The following RBP3 variants were observed in gnomAD, a reference collection of about 807,000 sequenced individuals.
RBP3 encodes retinol binding protein 3, also known as retinol-binding protein 3.
RBP3 carries 50 observed loss-of-function variants against 64.8 expected under a neutral mutation model. The observed-to-expected ratio is 0.77, with a 90% CI of 0.61 to 0.98. The LOEUF is 0.98. RBP3 is among the 50% of genes least tolerant of loss of function. The pLI, the probability that RBP3 is intolerant of heterozygous loss-of-function variation, is 0.00. For synonymous variants in RBP3, 828 were observed against 730.2 expected, an observed-to-expected ratio of 1.13 and a Z score of -2.16; for missense variants, 1,712 against 1,660.5, an observed-to-expected ratio of 1.03 and a Z score of -0.54.
At position 47,349,395 on chromosome 10, in the gene RBP3, G is replaced by C. The variant is rs1555211076; in HGVS notation, c.911G>C (p.Cys304Ser). ...QTWEGSGVLP[C>S]VGTPAEQALE... is the part of the protein sequence containing the mutation. ...TGGGAGGGCAGCGGGGTGCTGCCCT[G>C]TGTGGGGACTCCGGCCGAGCAGGCC... The change falls in exon 1 of 4, where the codon TGT (cysteine) becomes TCT (serine). Residue 304 changes from cysteine to serine, a missense_variant. Physicochemically the swap from Cys to Ser is moderately radical, Grantham distance 112. Transcript: ENST00000584701. 1 of 1,612,044 alleles carries C rather than the reference G, an allele frequency of 6.2e-7. No homozygotes were observed. The highest frequency in any genetic ancestry group is 8.5e-7 in the Non-Finnish European group (1 of 1,179,980).
rs199522516 is a variant in RBP3 at position 47,350,624 on chromosome 10, C to G, written c.2140C>G (p.Pro714Ala). 6.2e-7 allele frequency: 1 copy of G among 1,612,822 alleles called. No individual in the cohort carries two copies. Among genetic ancestry groups the G allele is most frequent in the Admixed American group, 1.7e-5 (1 of 60,032 alleles). Residue 714 changes from proline to alanine, a missense_variant, in exon 1 of 4, where the codon CCC becomes GCC. Transcript: ENST00000584701. The stretch of plus-strand genomic sequence containing the variant: ...TGGCGAGCTGGTGGTAGAGGAAGCA[C>G]CCCCACCACCCCCTGCTGTCCCCTC... ...SPGELVVEEA[P>A]PPPPAVPSPE...
Position 47,355,466 on chromosome 10 carries a change from C to T in RBP3, c.3336C>T (p.Tyr1112=), listed in dbSNP as rs1837033377. 1.9e-6 allele frequency: 3 copies of T among 1,614,230 alleles called. No individual in the cohort carries two copies. The highest frequency in any genetic ancestry group is 2.5e-6 in the Non-Finnish European group (3 of 1,180,040). ...EGPPVLLDKI[Y]SRPDDSVSEL... Reference sequence around the variant, plus strand: ...CTCCAGTTCTGCTGGACAAGATCTACAGCCGGCCTGATGACTCTGTCAGTG... The same window carrying T: ...CTCCAGTTCTGCTGGACAAGATCTATAGCCGGCCTGATGACTCTGTCAGTG... The change falls in exon 3 of 4, where the codon TAC becomes TAT. Residue 1112 remains tyrosine (Y), a synonymous_variant. Coordinates refer to ENST00000584701, the MANE Select transcript of RBP3 (RefSeq NM_002900.3).
At chr10:47,354,105 A>G (rs1555211852) in intron 2 of RBP3, among the ~76,000 whole-genome samples, 1 of 152,236 alleles carries the variant, frequency 6.6e-6, no homozygotes, top group Non-Finnish European at 1.5e-5. Flanking sequence ...TCACCAAATG[A>G]TTGTCAGAAG....
chr10:47,351,315 C>T lies in RBP3; in HGVS notation c.2831C>T (p.Ala944Val), dbSNP rs957150657. The part of the protein sequence containing the change: ...RAKVPTVLQT[A>V]GKLVADNYAS... Reference sequence around the variant, plus strand: ...AAGGTGCCCACGGTGCTGCAGACGGCCGGGAAGCTGGTGGCTGATAACTAT... The same window carrying T: ...AAGGTGCCCACGGTGCTGCAGACGGTCGGGAAGCTGGTGGCTGATAACTAT... The change falls in exon 1 of 4, where the codon GCC (alanine) becomes GTC (valine). Residue 944 changes from alanine (A) to valine (V), a missense_variant. Physicochemically the swap from Ala to Val is moderately conservative, Grantham distance 64 (BLOSUM62 0). Coordinates refer to ENST00000584701, the MANE Select transcript of RBP3 (RefSeq NM_002900.3). 6.2e-7 allele frequency: 1 copy of T among 1,613,496 alleles called. No individual in the cohort carries two copies. The highest frequency in any genetic ancestry group is 8.5e-7 in the Non-Finnish European group (1 of 1,180,046).
At position 47,350,942 on chromosome 10, in the gene RBP3, G is replaced by T. The variant is rs1555211477; in HGVS notation, c.2458G>T (p.Val820Phe). Residue 820 changes from valine (V) to phenylalanine (F), a missense_variant, in exon 1 of 4, where the codon GTC (valine) becomes TTC (phenylalanine). Coordinates refer to ENST00000584701, the MANE Select transcript of RBP3 (RefSeq NM_002900.3). Reference sequence around the variant, plus strand: ...TGTCTTTGACAGGGCCACCTCAAAAGTCACGGAGGTGTGGACCTTGCCCCA... The same window carrying T: ...TGTCTTTGACAGGGCCACCTCAAAATTCACGGAGGTGTGGACCTTGCCCCA... ...YSVFDRATSK[V>F]TEVWTLPQVA... 1 of 1,612,978 alleles carries T rather than the reference G, an allele frequency of 6.2e-7. No homozygotes were observed. Among genetic ancestry groups the T allele is most frequent in the African/African-American group, 1.3e-5 (1 of 75,076 alleles).
chr10:47,351,937 G>A (rs1836980276), intron 1 of RBP3, among the ~76,000 whole-genome samples: 1 of 152,218 alleles, frequency 6.6e-6, no homozygotes, highest in African/African-American at 2.4e-5. Context: ...CTCATTGTCA[G>A]TGCTAGGGAA....
At chr10:47,354,025 G>A (rs1322064161) in intron 2 of RBP3, among the ~76,000 whole-genome samples, 1 of 152,196 alleles carries the variant, frequency 6.6e-6, no homozygotes, top group Non-Finnish European at 1.5e-5. Context: ...AATCGTACAG[G>A]CAGAATTTGG....
chr10:47,357,312 C>T lies in RBP3; in HGVS notation c.3599C>T (p.Ala1200Val). 6.2e-7 allele frequency: 1 copy of T among 1,614,144 alleles called. No homozygotes were observed. Among genetic ancestry groups the T allele is most frequent in the Non-Finnish European group, 8.5e-7 (1 of 1,180,028 alleles). The change falls in exon 4 of 4, where the codon GCC becomes GTC. Residue 1200 changes from alanine (A) to valine (V), a missense_variant. Ala to Val is a moderately conservative substitution (Grantham distance 64). Coordinates refer to ENST00000584701, the MANE Select transcript of RBP3 (RefSeq NM_002900.3). Reference protein sequence around the residue: ...LTIPTARSVGASDGSSWEGVG... With the variant: ...LTIPTARSVGVSDGSSWEGVG... ...ATCCCCACGGCCCGTTCTGTGGGGG[C>T]CTCGGATGGCAGCTCCTGGGAAGGG...
At chr10:47,352,372 C>T (rs1555211676) in intron 1 of RBP3, among the ~76,000 whole-genome samples, 1 of 152,192 alleles carries the variant, frequency 6.6e-6, no homozygotes, top group African/African-American at 2.4e-5. Context: ...GCTCCCTCTT[C>T]TTGGAGAAGG....
At position 47,350,292 on chromosome 10, in the gene RBP3, G is replaced by C. The variant is rs990944541; in HGVS notation, c.1808G>C (p.Gly603Ala). The change falls in exon 1 of 4, where the codon GGC becomes GCC. Residue 603 changes from glycine (G) to alanine (A), a missense_variant. Physicochemically the swap from Gly to Ala is moderately conservative, Grantham distance 60. Coordinates refer to ENST00000584701, the MANE Select transcript of RBP3 (RefSeq NM_002900.3). The stretch of plus-strand genomic sequence containing the variant: ...GTCCTCACCTTCATCGACAATCACG[G>C]CGAGGCCTGGCTGGGTGGTGGAGTG... ...VPVLTFIDNHGEAWLGGGVVP... is the reference protein window; with the variant it reads ...VPVLTFIDNHAEAWLGGGVVP... The C allele has an allele frequency of 6.2e-6, 10 of 1,609,148 alleles. No individual in the cohort carries two copies. The highest frequency in any genetic ancestry group is 8.5e-6 in the Non-Finnish European group (10 of 1,179,928).
chr10:47,348,597 A>G lies in RBP3; in HGVS notation c.113A>G (p.Asn38Ser). 1 of 1,613,418 alleles carries G rather than the reference A, an allele frequency of 6.2e-7. No homozygotes were observed. The highest frequency in any genetic ancestry group is 8.5e-7 in the Non-Finnish European group (1 of 1,180,024). ...GACATGGCCAAGGTCCTCTTGGATAACTACTGCTTCCCGGAGAACCTGCTG... is the reference window on the plus strand; with the variant it reads ...GACATGGCCAAGGTCCTCTTGGATAGCTACTGCTTCCCGGAGAACCTGCTG... Reference protein sequence around the residue: ...VLDMAKVLLDNYCFPENLLGM... With the variant: ...VLDMAKVLLDSYCFPENLLGM... Residue 38 changes from asparagine (N) to serine (S), a missense_variant, in exon 1 of 4, where the codon AAC (asparagine) becomes AGC (serine). Transcript: ENST00000584701.
At chr10:47,353,280 C>T (rs781830351) in intron 1 of RBP3, 45 bp from the exon 2 acceptor site, 2 of 1,591,976 alleles carry the variant, frequency 1.3e-6, no homozygotes, top group South Asian at 2.2e-5. Flanking sequence ...GGCTCTAAAA[C>T]TGGCTGCTCC....
At chr10:47,355,340 T>A (rs1837031340) in intron 2 of RBP3, 36 bp from the exon 3 acceptor site, 4 of 1,612,532 alleles carry the variant, frequency 2.5e-6, no homozygotes, top group Non-Finnish European at 3.4e-6. Context: ...CACTGTGAGC[T>A]CAGCCCCTGA....
Position 47,349,079 on chromosome 10 carries a change from A to G in RBP3, c.595A>G (p.Ile199Val). The change falls in exon 1 of 4, where the codon ATC becomes GTC. Residue 199 changes from isoleucine (I) to valine (V), a missense_variant. Physicochemically the swap from Ile to Val is conservative, Grantham distance 29. Coordinates refer to ENST00000584701, the MANE Select transcript of RBP3 (RefSeq NM_002900.3). ...PGNTILHVDT[I>V]YNRPSNTTTE... is the part of the protein sequence containing the mutation. ...GAACACCATCCTGCACGTGGACACT[A>G]TCTACAACCGCCCCTCCAACACCAC... 1.9e-6 allele frequency: 3 copies of G among 1,613,948 alleles called. No individual in the cohort carries two copies. The highest frequency in any genetic ancestry group is 2.5e-6 in the Non-Finnish European group (3 of 1,180,018).
chr10:47,354,741 G>A (rs1223682548), intron 2 of RBP3, among the ~76,000 whole-genome samples: 1 of 152,188 alleles, frequency 6.6e-6, no homozygotes. Flanking sequence ...CCCGAACCCA[G>A]CCAGGCCATC....
rs1555210875 is a variant in RBP3 at position 47,348,700 on chromosome 10, T to C, written c.216T>C (p.Ser72=). 2 of 1,613,560 alleles carry C rather than the reference T, an allele frequency of 1.2e-6. No homozygotes were observed. The highest frequency in any genetic ancestry group is 1.3e-5 in the African/African-American group (1 of 75,034). The change falls in exon 1 of 4, where the codon AGT becomes AGC. Residue 72 remains serine (S), a synonymous_variant. Transcript: ENST00000584701. ...TCTCAGACCCGCAGACGCTGGCCAGTGTGCTGACAGCCGGGGTGCAGAGCT... is the reference window on the plus strand; with the variant it reads ...TCTCAGACCCGCAGACGCTGGCCAGCGTGCTGACAGCCGGGGTGCAGAGCT... The part of the protein sequence containing the change: ...LSISDPQTLA[S]VLTAGVQSSL...
intron 2 of RBP3, 39 bp downstream of exon 2, chr10:47,353,554 AG>A: frequency 6.2e-7 from 1 of 1,607,234 alleles, no homozygotes; most frequent in Non-Finnish European, 8.5e-7. Context: ...GCCAGGACGC[AG>A]GGCTGCCAGG....
At position 47,349,141 on chromosome 10, in the gene RBP3, A is replaced by G. The variant is rs782323448; in HGVS notation, c.657A>G (p.Glu219=). ...GGACCTTGCCCCAGGTCCTGGGAGA[A>G]AGGTACGGTGCCGACAAGGATGTGG... ...EIWTLPQVLG[E]RYGADKDVVV... Residue 219 remains glutamate (E), a synonymous_variant, in exon 1 of 4, where the codon GAA becomes GAG. Coordinates refer to ENST00000584701, the MANE Select transcript of RBP3 (RefSeq NM_002900.3). 2.5e-6 allele frequency: 4 copies of G among 1,613,924 alleles called. No homozygotes were observed. In the South Asian group the frequency reaches 4.4e-5, roughly 18 times the overall value.
At position 47,349,809 on chromosome 10, in the gene RBP3, T is replaced by A; in HGVS notation, c.1325T>A (p.Leu442Gln). The A allele has an allele frequency of 1.2e-6, 2 of 1,613,302 alleles. No individual in the cohort carries two copies. Among genetic ancestry groups the A allele is most frequent in the Non-Finnish European group, 1.7e-6 (2 of 1,180,034 alleles). Residue 442 changes from leucine (L) to glutamine (Q), a missense_variant, in exon 1 of 4, where the codon CTG becomes CAG. Transcript: ENST00000584701. ...GTGCTGCCAGGCAATGTGGGCTACC[T>A]GCGCTTCGATAGTTTTGCTGACGCC... ...VSVLPGNVGY[L>Q]RFDSFADASV...
Sources: gnomAD v4.1 joint callset for allele counts (sites outside exome capture counted in the v4.1 genomes callset) on GRCh38, gnomAD v4.1.1 for gene constraint, MANE v1.5 for transcripts, NCBI Gene and HGNC (gene_info 2026-07-23, HGNC 2026-07-21) for gene names.